Variants in SLCO5A1 observed in about 807,000 individuals in gnomAD.
The protein encoded by SLCO5A1 is organic anion transporter polypeptide-related protein 4.
SLCO5A1 carries 39 observed loss-of-function variants against 65.1 expected under a neutral mutation model. That is an observed-to-expected ratio of 0.60 (90% CI 0.46 to 0.78). The LOEUF (loss-of-function observed/expected upper bound fraction) is 0.78, where lower values mean the gene tolerates loss of function less well. SLCO5A1 is among the 30% of genes least tolerant of loss of function. The probability of loss-of-function intolerance (pLI) is 0.00; values close to 1 mark genes in which losing one functional copy is unlikely to be tolerated. For missense variants in SLCO5A1, 1,029 were observed against 1,069.4 expected, an observed-to-expected ratio of 0.96 and a Z score of 0.53; for synonymous variants, 438 against 415.7, an observed-to-expected ratio of 1.05 and a Z score of -0.65.
intron 2 of SLCO5A1, among the ~76,000 whole-genome samples, chr8:69,804,043 A>T (rs1819876563): frequency 6.6e-6 from 1 of 152,172 alleles, no homozygotes; most frequent in South Asian, 2.1e-4. Context: ...CCAAGAAAAA[A>T]TCTTGAAAAA....
intron 2 of SLCO5A1, among the ~76,000 whole-genome samples, chr8:69,825,231 C>T (rs1820822624): frequency 6.6e-6 from 1 of 152,226 alleles, no homozygotes; most frequent in South Asian, 2.1e-4. Context: ...ACAGGGATGC[C>T]CTCTCTCACC....
chr8:69,729,168 G>T (rs535997604), intron 5 of SLCO5A1, among the ~76,000 whole-genome samples: 1 of 152,178 alleles, frequency 6.6e-6, no homozygotes, highest in South Asian at 2.1e-4. Context: ...AACTGCGCCC[G>T]GTGCAGTGGC....
intron 5 of SLCO5A1, among the ~76,000 whole-genome samples, chr8:69,723,886 T>A (rs1177762855): frequency 6.6e-6 from 1 of 151,944 alleles, no homozygotes; most frequent in Non-Finnish European, 1.5e-5. Context: ...GATTCTCCTG[T>A]CTCAGCCTTC....
chr8:69,795,034 G>A (rs929761363), intron 2 of SLCO5A1, among the ~76,000 whole-genome samples: 1 of 152,184 alleles, frequency 6.6e-6, no homozygotes, highest in African/African-American at 2.4e-5. Flanking sequence ...AACCATTCAT[G>A]AGGGACAACC....
Position 69,726,858 on chromosome 8 carries a change from T to A in SLCO5A1, c.1423+11182A>T, listed in dbSNP as rs537190438. ...CCTCTTAAAATCCATTCCCTCCAGATAATCTTTCTTATGAATGTTTTCCAC... is the reference window on the plus strand; with the variant it reads ...CCTCTTAAAATCCATTCCCTCCAGAAAATCTTTCTTATGAATGTTTTCCAC... On this transcript the variant is annotated intron_variant, in intron 5 of 9. Transcript: ENST00000260126. 3.0e-4 allele frequency among the ~76,000 whole-genome samples: 46 copies of A among 152,320 alleles called. No homozygotes were observed. The Middle Eastern group carries it at 0.014, about 45-fold the overall frequency.
At chr8:69,729,226 C>G (rs919750298) in intron 5 of SLCO5A1, among the ~76,000 whole-genome samples, 1 of 152,012 alleles carries the variant, frequency 6.6e-6, no homozygotes, top group African/African-American at 2.4e-5. Flanking sequence ...AGGCGGATCA[C>G]GAGGTCAGGA....
chr8:69,755,447 A>G lies in SLCO5A1; in HGVS notation c.1235T>C (p.Met412Thr). Reference sequence around the variant, plus strand: ...ACCTCTGACATCCTTTCCAAATCCCATCGAAGAAACTTTTTTGTCCGCTTG... The same window carrying G: ...ACCTCTGACATCCTTTCCAAATCCCGTCGAAGAAACTTTTTTGTCCGCTTG... ...SEQADKKVSS[M>T]GFGKDVRDLP... The change falls in exon 4 of 10, where the codon ATG becomes ACG. Residue 412 changes from methionine to threonine, a missense_variant. Physicochemically the swap from Met to Thr is moderately conservative, Grantham distance 81 (BLOSUM62 -1). Transcript: ENST00000260126. The G allele has an allele frequency of 6.2e-7, 1 of 1,613,828 alleles. No individual in the cohort carries two copies. Among genetic ancestry groups the G allele is most frequent in the Non-Finnish European group, 8.5e-7 (1 of 1,179,978 alleles).
intron 9 of SLCO5A1, among the ~76,000 whole-genome samples, chr8:69,674,219 A>G (rs1813454614): frequency 6.6e-6 from 1 of 152,186 alleles, no homozygotes; most frequent in East Asian, 1.9e-4. Flanking sequence ...TTGTCACTCC[A>G]TAAGCTTCTT....
intron 2 of SLCO5A1, chr8:69,772,798 G>T (rs1461595340): frequency 2.9e-6 from 1 of 342,882 alleles, no homozygotes; most frequent in Non-Finnish European, 4.1e-6. Flanking sequence ...TGCCCTAAAA[G>T]GTCAGAGATC....
rs10633803 is a variant in SLCO5A1, at chr8:69,742,794, CTTTTTTTTT to C, written c.1259-4599_1259-4591del. Among the ~76,000 whole-genome samples, 5 of 83,196 alleles carry C rather than the reference CTTTTTTTTT, an allele frequency of 6.0e-5. No individual in the cohort carries two copies. In the South Asian group the frequency reaches 1.7e-3, roughly 28 times the overall value. 54.6% of individuals were successfully genotyped at this position (83,196 alleles called of 152,430 possible). The stretch of plus-strand genomic sequence containing the variant: ...CTGAGATAGGTGGTGTGAGTGGATT[CTTTTTTTTT>C]TTTTTTTTTTTTTTTGAGACTGAGT... On this transcript the variant is annotated intron_variant, in intron 4 of 9. Coordinates refer to ENST00000260126, the MANE Select transcript of SLCO5A1 (RefSeq NM_030958.3).
chr8:69,811,286 G>C (rs1269026742), intron 2 of SLCO5A1, among the ~76,000 whole-genome samples: 3 of 152,200 alleles, frequency 2.0e-5, no homozygotes, highest in Non-Finnish European at 4.4e-5. Context: ...AATTAAACTT[G>C]ATTATAACCA....
chr8:69,695,697 A>G (rs889966552), intron 6 of SLCO5A1, among the ~76,000 whole-genome samples: 3 of 152,180 alleles, frequency 2.0e-5, no homozygotes, highest in Non-Finnish European at 4.4e-5. Context: ...TATATATGAG[A>G]AACCCAAGAC....
At position 69,672,886 on chromosome 8, in the gene SLCO5A1, AG is replaced by A. The variant is rs1276322433; in HGVS notation, c.2529del (p.Leu844TrpfsTer8). ...TTCAAGCTTCAGGAGGGCGGCTCCA[AG>A]GCAGCGGGGCTCTCTTCCAGCCCCG... Reference protein sequence around the residue: ...ADPGLEESPAALEPPS With the variant: ...ADPGLEESPAXLEPPS On this transcript the variant is annotated frameshift_variant, in exon 10 of 10. Coordinates refer to ENST00000260126, the MANE Select transcript of SLCO5A1 (RefSeq NM_030958.3). LOFTEE classifies it high-confidence loss of function. 2 of 1,610,626 alleles carry A rather than the reference AG, an allele frequency of 1.2e-6. No homozygotes were observed. Among genetic ancestry groups the A allele is most frequent in the Non-Finnish European group, 1.7e-6 (2 of 1,177,224 alleles).
At chr8:69,796,613 T>C (rs998628368) in intron 2 of SLCO5A1, among the ~76,000 whole-genome samples, 3 of 150,298 alleles carry the variant, frequency 2.0e-5, no homozygotes, top group African/African-American at 7.4e-5. Flanking sequence ...CAAGATTCTG[T>C]CTCAAACATT....
chr8:69,764,013 T>C (rs1398104438), intron 2 of SLCO5A1, among the ~76,000 whole-genome samples: 1 of 152,156 alleles, frequency 6.6e-6, no homozygotes, highest in Non-Finnish European at 1.5e-5. Context: ...TACAGGCACC[T>C]GCCATCGCAC....
At chr8:69,777,400 G>C (rs547343284) in intron 2 of SLCO5A1, among the ~76,000 whole-genome samples, 4 of 151,868 alleles carry the variant, frequency 2.6e-5, no homozygotes, top group African/African-American at 9.7e-5. Flanking sequence ...GACTGAGGAG[G>C]TCAGGCGGAA....
intron 5 of SLCO5A1, among the ~76,000 whole-genome samples, chr8:69,721,236 C>A (rs1045228355): frequency 6.6e-6 from 1 of 152,188 alleles, no homozygotes; most frequent in African/African-American, 2.4e-5. Context: ...AAATTGGAAG[C>A]ACTGTGGGTG....
chr8:69,754,658 A>G (rs79722415), intron 4 of SLCO5A1, among the ~76,000 whole-genome samples: 12,862 of 152,316 alleles, frequency 0.084, 615 homozygotes, highest in African/African-American at 0.098. Context: ...ACTTATTGTC[A>G]TTCAACAGAT....
chr8:69,692,644 G>A lies in SLCO5A1; in HGVS notation c.1623-10301C>T, dbSNP rs905393941. ...CTATAAACTGTTTTCTTTTTTTGCC[G>A]TTTTAAACTTTTTCTTAAAAACTAT... On this transcript the variant is annotated intron_variant, in intron 6 of 9. Transcript: ENST00000260126. Among the ~76,000 whole-genome samples, 12 of 151,746 alleles carry A rather than the reference G, an allele frequency of 7.9e-5. No individual in the cohort carries two copies. In the Middle Eastern group the frequency reaches 0.01, roughly 129 times the overall value.
Sources: allele counts gnomAD v4.1 joint callset (sites outside exome capture counted in the v4.1 genomes callset), GRCh38; gene constraint gnomAD v4.1.1; transcripts MANE v1.5; gene names NCBI Gene and HGNC (gene_info 2026-07-23, HGNC 2026-07-21).